The following CFAP299 variants were observed in gnomAD, a reference collection of about 807,000 sequenced individuals.
CFAP299 encodes cilia and flagella associated protein 299.
CFAP299 carries 21 observed loss-of-function variants against 27.0 expected under a neutral mutation model. That is an observed-to-expected ratio of 0.78 (90% confidence interval 0.55 to 1.12). The LOEUF (loss-of-function observed/expected upper bound fraction) is 1.12, where lower values mean the gene tolerates loss of function less well. CFAP299 is among the 50% of genes most tolerant of loss of function. The probability of loss-of-function intolerance (pLI) is 0.00; values close to 1 mark genes in which losing one functional copy is unlikely to be tolerated. For synonymous variants in CFAP299, 104 were observed against 98.1 expected, an observed-to-expected ratio of 1.06 and a Z score of -0.36; for missense variants, 310 against 276.6, an observed-to-expected ratio of 1.12 and a Z score of -0.86.
At chr4:80,647,270 T>C (rs1365860885) in intron 3 of CFAP299, among the ~76,000 whole-genome samples, 1 of 152,110 alleles carries the variant, frequency 6.6e-6, no homozygotes, top group Non-Finnish European at 1.5e-5. Flanking sequence ...ATGGAAGATT[T>C]CAGTATACTT....
intron 3 of CFAP299, among the ~76,000 whole-genome samples, chr4:80,747,213 C>A (rs1293220230): frequency 6.6e-6 from 1 of 151,928 alleles, no homozygotes; most frequent in Non-Finnish European, 1.5e-5. Flanking sequence ...AATACATAAA[C>A]CAGTGGCATA....
the CFAP299 span, among the ~76,000 whole-genome samples, chr4:80,324,381 G>A: frequency 1.3e-5 from 2 of 152,110 alleles, no homozygotes; most frequent in African/African-American, 4.8e-5. Context: ...TTTATTGTCA[G>A]TCTTTTACAA....
intron 4 of CFAP299, among the ~76,000 whole-genome samples, chr4:80,884,254 G>T (rs537813067): frequency 6.6e-6 from 1 of 152,198 alleles, no homozygotes; most frequent in East Asian, 1.9e-4. Context: ...TATTCTTCAG[G>T]ATAGATCATG....
intron 4 of CFAP299, among the ~76,000 whole-genome samples, chr4:80,900,123 A>AGTGTGTGTGTGTGT (rs3038537): frequency 0.019 from 2,624 of 139,840 alleles, 61 homozygotes; most frequent in East Asian, 0.051. Context: ...AGTGGAAGAA[A>AGTGTGTGTGTGTGT]GTGTGTGTGT....
rs1413407403 is a variant in CFAP299, at chr4:80,467,110, G to A, written c.242+104226G>A. 2.6e-5 allele frequency among the ~76,000 whole-genome samples: 4 copies of A among 152,196 alleles called. No homozygotes were observed. The East Asian group carries it at 7.7e-4, about 29-fold the overall frequency. On this transcript the variant is annotated intron_variant, in intron 2 of 5. Coordinates refer to ENST00000358105, the MANE Select transcript of CFAP299 (RefSeq NM_152770.3). Reference sequence around the variant, plus strand: ...TGTTTTCATTTAAGGTGGGTTTGGAGCAGTAGTATGTTGGAGCCAGCATTC... The same window carrying A: ...TGTTTTCATTTAAGGTGGGTTTGGAACAGTAGTATGTTGGAGCCAGCATTC...
chr4:80,748,982 T>C (rs1340411675), intron 3 of CFAP299, among the ~76,000 whole-genome samples: 1 of 152,166 alleles, frequency 6.6e-6, no homozygotes, highest in African/African-American at 2.4e-5. Flanking sequence ...CTATTTACTC[T>C]CTGAACATCA....
intron 3 of CFAP299, among the ~76,000 whole-genome samples, chr4:80,597,858 T>C (rs1737138699): frequency 6.6e-6 from 1 of 152,184 alleles, no homozygotes; most frequent in African/African-American, 2.4e-5. Flanking sequence ...GGCTAATTTT[T>C]GTATTTTTAG....
At chr4:80,753,664 T>C (rs1725064701) in intron 3 of CFAP299, among the ~76,000 whole-genome samples, 1 of 152,166 alleles carries the variant, frequency 6.6e-6, no homozygotes, top group Admixed American at 6.5e-5. Context: ...ATGTTTTGGA[T>C]GCTTTGTTGT....
intron 2 of CFAP299, among the ~76,000 whole-genome samples, chr4:80,487,135 G>A (rs752808657): frequency 7.2e-5 from 11 of 152,002 alleles, no homozygotes; most frequent in Non-Finnish European, 1.2e-4. Flanking sequence ...TAACCTTTCC[G>A]GAAACTAGCA....
At chr4:80,583,266 C>G (rs1384514701) in intron 3 of CFAP299, 83 bp downstream of exon 3, 1 of 692,004 alleles carries the variant, frequency 1.4e-6, no homozygotes, top group Non-Finnish European at 2.3e-6. Context: ...AAATATCTTT[C>G]TTAAAGTAAT....
chr4:80,458,977 A>AT (rs1348139583), intron 2 of CFAP299, among the ~76,000 whole-genome samples: 1 of 151,654 alleles, frequency 6.6e-6, no homozygotes, highest in Admixed American at 6.6e-5. Flanking sequence ...TTAATTTTTA[A>AT]TTTTTTAATG....
intron 3 of CFAP299, among the ~76,000 whole-genome samples, chr4:80,800,270 T>A (rs1170087283): frequency 4.5e-5 from 3 of 66,610 alleles, no homozygotes; most frequent in Non-Finnish European, 7.3e-5. Context: ...ATAAATAAAA[T>A]ATATATAATA....
intron 2 of CFAP299, among the ~76,000 whole-genome samples, chr4:80,436,054 G>GT (rs774511741): frequency 5.9e-5 from 9 of 152,166 alleles, no homozygotes; most frequent in Non-Finnish European, 1.0e-4. Context: ...TATGCTCCAT[G>GT]TAAGTAAGAG....
chr4:80,762,469 C>A (rs1347634944), intron 3 of CFAP299, among the ~76,000 whole-genome samples: 1 of 152,052 alleles, frequency 6.6e-6, no homozygotes, highest in Non-Finnish European at 1.5e-5. Context: ...CATTAACTAT[C>A]AATGCACCTG....
At chr4:80,938,994 G>T (rs1737061242) in intron 4 of CFAP299, among the ~76,000 whole-genome samples, 1 of 151,962 alleles carries the variant, frequency 6.6e-6, no homozygotes, top group Non-Finnish European at 1.5e-5. Flanking sequence ...CTCTCTCCTG[G>T]CCCATAAACA....
At chr4:80,936,124 T>C (rs1380608455) in intron 4 of CFAP299, among the ~76,000 whole-genome samples, 1 of 152,136 alleles carries the variant, frequency 6.6e-6, no homozygotes, top group Non-Finnish European at 1.5e-5. Flanking sequence ...ATAATTACTT[T>C]TGCATCAACC....
chr4:80,792,116 A>G (rs549790761), intron 3 of CFAP299, among the ~76,000 whole-genome samples: 45 of 152,076 alleles, frequency 3.0e-4, no homozygotes, highest in Admixed American at 7.2e-4. Flanking sequence ...AAATTTCTGT[A>G]TATAATAGCC....
chr4:80,808,490 T>C (rs926798519), intron 3 of CFAP299, among the ~76,000 whole-genome samples: 2 of 152,136 alleles, frequency 1.3e-5, no homozygotes, highest in African/African-American at 2.4e-5. Flanking sequence ...CAAATATAGC[T>C]TCCAAAATGC....
At chr4:80,664,547 C>T (rs555064327) in intron 3 of CFAP299, among the ~76,000 whole-genome samples, 71 of 152,290 alleles carry the variant, frequency 4.7e-4, no homozygotes, top group African/African-American at 1.7e-3. Context: ...AAACTGCCTA[C>T]TCAAGCCTCA....
Sources: allele counts gnomAD v4.1 joint callset (sites outside exome capture counted in the v4.1 genomes callset), GRCh38; gene constraint gnomAD v4.1.1; transcripts MANE v1.5; gene names NCBI Gene and HGNC (gene_info 2026-07-23, HGNC 2026-07-21).